Variants in CMSS1 observed in about 807,000 individuals in gnomAD.
CMSS1 encodes cms1 ribosomal small subunit homolog.
CMSS1 carries 33 observed loss-of-function variants against 43.5 expected under a neutral mutation model. That is an observed-to-expected ratio of 0.76 (90% CI 0.57 to 1.01). The LOEUF (loss-of-function observed/expected upper bound fraction) is 1.01. Ranked by LOEUF, CMSS1 falls within the 50% of genes least tolerant of loss-of-function variation. The pLI is 0.00. For synonymous variants in CMSS1, 115 were observed against 117.2 expected (o/e 0.98, Z 0.12); for missense variants, 313 against 326.4 (o/e 0.96, Z 0.32).
At chr3:99,933,005 A>G (rs1397845946) in intron 1 of CMSS1, among the ~76,000 whole-genome samples, 1 of 152,170 alleles carries the variant, frequency 6.6e-6, no homozygotes, top group Non-Finnish European at 1.5e-5. Flanking sequence ...TAGCTCATTC[A>G]AGTCTCACAA....
chr3:99,854,872 T>C (rs1486570532), intron 1 of CMSS1, among the ~76,000 whole-genome samples: 8 of 152,230 alleles, frequency 5.3e-5, no homozygotes, highest in Non-Finnish European at 1.5e-5. Context: ...TCTTCCCTGC[T>C]AGTGGCCTAT....
intron 1 of CMSS1, among the ~76,000 whole-genome samples, chr3:99,960,365 G>C (rs1708455564): frequency 6.6e-6 from 1 of 152,170 alleles, no homozygotes; most frequent in African/African-American, 2.4e-5. Flanking sequence ...CTGGATGTCA[G>C]ATCAAACACT....
At position 99,984,817 on chromosome 3, in the gene CMSS1, A is replaced by G. The variant is rs1709283428; in HGVS notation, c.65-162156A>G. ...ATAAAATCAAGGATCATATTCAGCT[A>G]ATGTTTATTGAGTACATTCTTTGTT... On this transcript the variant is annotated intron_variant, in intron 1 of 9. Transcript: ENST00000421999. Among the ~76,000 whole-genome samples the G allele has an allele frequency of 2.6e-5, 4 of 152,210 alleles. No homozygotes were observed. The South Asian group carries it at 8.3e-4, about 32-fold the overall frequency.
intron 1 of CMSS1, among the ~76,000 whole-genome samples, chr3:99,944,424 G>T (rs141139290): frequency 6.6e-6 from 1 of 152,190 alleles, no homozygotes; most frequent in Non-Finnish European, 1.5e-5. Context: ...AGGCTGTCAC[G>T]TCTGTCTCTC....
intron 1 of CMSS1, among the ~76,000 whole-genome samples, chr3:99,985,450 A>T (rs1709310838): frequency 6.6e-6 from 1 of 152,148 alleles, no homozygotes; most frequent in Admixed American, 6.5e-5. Context: ...GCTTGAGCCA[A>T]GATCATACCA....
At chr3:100,090,596 C>G (rs112768880) in intron 1 of CMSS1, among the ~76,000 whole-genome samples, 1 of 152,200 alleles carries the variant, frequency 6.6e-6, no homozygotes, top group Non-Finnish European at 1.5e-5. Flanking sequence ...GCAACACTAG[C>G]CTCTGCCTTT....
intron 1 of CMSS1, among the ~76,000 whole-genome samples, chr3:100,135,438 A>ATATGTGTGTGTG (rs1491195525): frequency 8.3e-6 from 1 of 120,734 alleles, no homozygotes; most frequent in African/African-American, 3.3e-5. Flanking sequence ...GTGTGTGTGC[A>ATATGTGTGTGTG]TGTGTGTGTG....
chr3:99,952,235 T>C (rs1708199433), intron 1 of CMSS1, among the ~76,000 whole-genome samples: 1 of 152,166 alleles, frequency 6.6e-6, no homozygotes, highest in Non-Finnish European at 1.5e-5. Flanking sequence ...ATATAGTCTC[T>C]GATCACAAAA....
In CMSS1 at chr3:100,021,956, TGTGTGAGAGAGAGAGA is replaced by T. The variant is rs796803661; in HGVS notation, c.65-125015_65-125000del. Reference sequence around the variant, plus strand: ...GTGTGTGTGTGTGTGTGTGTGTGTGTGTGTGAGAGAGAGAGAGAGAGAGAGAGAGAGAGAGAGATAT... The same window carrying T: ...GTGTGTGTGTGTGTGTGTGTGTGTGTGAGAGAGAGAGAGAGAGAGAGATAT... On this transcript the variant is annotated intron_variant, in intron 1 of 9. Transcript: ENST00000421999. 5.0e-3 allele frequency among the ~76,000 whole-genome samples: 470 copies of T among 94,510 alleles called. 3 individuals carry two copies. Among genetic ancestry groups the T allele is most frequent in the South Asian group, 8.5e-3 (21 of 2,462 alleles). The allele number at this position is 94,510 out of a possible 152,430, so 62.0% of individuals were successfully genotyped here.
rs115894765 is a variant in CMSS1, at chr3:99,891,582, T to C, written c.64+73539T>C. ...TTGGATTTTTTGGGTTTTTTTTGTT[T>C]GTTTTGTTTTGTTGGTGAGACACTA... On this transcript the variant is annotated intron_variant, in intron 1 of 9. Transcript: ENST00000421999. Among the ~76,000 whole-genome samples the C allele has an allele frequency of 3.1e-3, 478 of 152,324 alleles. 2 individuals are homozygous for C. The highest frequency in any genetic ancestry group is 0.011 in the African/African-American group (445 of 41,578).
At chr3:99,961,365 T>TAC (rs1375934358) in intron 1 of CMSS1, among the ~76,000 whole-genome samples, 1 of 152,202 alleles carries the variant, frequency 6.6e-6, no homozygotes, top group Non-Finnish European at 1.5e-5. Flanking sequence ...CTTATATATA[T>TAC]ACCTTAAAAT....
intron 6 of CMSS1, among the ~76,000 whole-genome samples, chr3:100,171,226 C>T (rs1181548985): frequency 2.4e-4 from 36 of 152,134 alleles, no homozygotes; most frequent in Admixed American, 2.4e-3. Flanking sequence ...TCCCTTCCTT[C>T]CTTCCTTCTT....
chr3:100,114,806 C>T, intron 1 of CMSS1: 1 of 578,394 alleles, frequency 1.7e-6, no homozygotes. Flanking sequence ...CTGATGTAAG[C>T]CTTGTTTGTG....
intron 1 of CMSS1, chr3:99,833,239 T>G: frequency 1.9e-6 from 3 of 1,612,486 alleles, no homozygotes; most frequent in Non-Finnish European, 2.5e-6. Flanking sequence ...TTGAGTTCAA[T>G]GAGGCAGAAG....
At chr3:100,080,478 G>T (rs916946903) in intron 1 of CMSS1, among the ~76,000 whole-genome samples, 5 of 152,160 alleles carry the variant, frequency 3.3e-5, no homozygotes, top group Non-Finnish European at 7.3e-5. Flanking sequence ...CAATTTTATA[G>T]TAAGAGATGG....
chr3:99,936,641 G>A (rs1365722933), intron 1 of CMSS1, among the ~76,000 whole-genome samples: 5 of 149,656 alleles, frequency 3.3e-5, no homozygotes, highest in South Asian at 2.1e-4. Flanking sequence ...CAAAATGCAG[G>A]GATTACAGGC....
intron 1 of CMSS1, among the ~76,000 whole-genome samples, chr3:100,085,170 G>C (rs1020644213): frequency 1.3e-5 from 2 of 152,156 alleles, no homozygotes; most frequent in African/African-American, 4.8e-5. Context: ...CCTGGATATG[G>C]AATTGTTTTA....
intron 7 of CMSS1, 47 bp downstream of exon 7, chr3:100,171,946 G>T: frequency 7.0e-7 from 1 of 1,432,800 alleles, no homozygotes; most frequent in Non-Finnish European, 9.8e-7. Context: ...CCAGACCTCA[G>T]CTTTTTTCCT....
chr3:100,148,847 T>A (rs528273331), intron 2 of CMSS1, among the ~76,000 whole-genome samples: 4 of 152,142 alleles, frequency 2.6e-5, no homozygotes, highest in Admixed American at 2.0e-4. Context: ...TCATCTTGGT[T>A]TTTTTTCTCC....
Sources: allele counts gnomAD v4.1 joint callset (sites outside exome capture counted in the v4.1 genomes callset), GRCh38; gene constraint gnomAD v4.1.1; transcripts MANE v1.5; gene names NCBI Gene and HGNC (gene_info 2026-07-23, HGNC 2026-07-21).